The following KCNIP4 variants were observed in gnomAD, a reference collection of about 807,000 sequenced individuals.
The protein encoded by KCNIP4 is potassium voltage-gated channel interacting protein 4, also known as Kv channel-interacting protein 4.
A neutral mutation model predicts 34.0 loss-of-function variants in KCNIP4; 12 were observed. The observed-to-expected ratio is 0.35, with a 90% CI of 0.23 to 0.57. The LOEUF (loss-of-function observed/expected upper bound fraction) is 0.57, where lower values mean the gene tolerates loss of function less well. Among genes scored for constraint, KCNIP4 ranks in the 20% least tolerant of loss-of-function variants. The pLI is 0.83. For synonymous variants in KCNIP4, 124 were observed against 102.2 expected (o/e 1.21, Z -1.29); for missense variants, 238 against 311.7 (o/e 0.76, Z 1.78).
At chr4:21,140,123 C>CA (rs995058662) in intron 1 of KCNIP4, among the ~76,000 whole-genome samples, 58 of 151,958 alleles carry the variant, frequency 3.8e-4, no homozygotes, top group Admixed American at 3.1e-3. Flanking sequence ...CATGATCTTT[C>CA]AAAAAAATAG....
At chr4:21,350,299 A>G (rs1489575736) in intron 1 of KCNIP4, among the ~76,000 whole-genome samples, 1 of 152,126 alleles carries the variant, frequency 6.6e-6, no homozygotes, top group Non-Finnish European at 1.5e-5. Context: ...GATGATTAAG[A>G]TGAGGAATCT....
chr4:21,452,115 T>G (rs1433157689), intron 1 of KCNIP4, among the ~76,000 whole-genome samples: 1 of 152,052 alleles, frequency 6.6e-6, no homozygotes, highest in African/African-American at 2.4e-5. Context: ...CACAGGGACG[T>G]AGGCACTGAG....
At chr4:20,941,583 T>C (rs1211935835) in intron 1 of KCNIP4, among the ~76,000 whole-genome samples, 1 of 152,202 alleles carries the variant, frequency 6.6e-6, no homozygotes, top group African/African-American at 2.4e-5. Flanking sequence ...TCGAGGCTTA[T>C]GAACCTGGTA....
chr4:21,609,270 G>A (rs1184851853), intron 1 of KCNIP4, among the ~76,000 whole-genome samples: 1 of 152,146 alleles, frequency 6.6e-6, no homozygotes, highest in Non-Finnish European at 1.5e-5. Context: ...TCTATTGTAT[G>A]TATGTGTGTT....
At chr4:20,847,941 G>A (rs2149479750) in intron 3 of KCNIP4, among the ~76,000 whole-genome samples, 1 of 151,990 alleles carries the variant, frequency 6.6e-6, no homozygotes, top group Admixed American at 6.7e-5. Flanking sequence ...TGGTGTTTAG[G>A]GAACCAAGGC....
At chr4:21,104,833 A>G (rs1446764612) in intron 1 of KCNIP4, among the ~76,000 whole-genome samples, 1 of 151,724 alleles carries the variant, frequency 6.6e-6, no homozygotes, top group African/African-American at 2.4e-5. Flanking sequence ...TTTTCCCAGC[A>G]CCATTTATTA....
At chr4:21,898,512 A>G (rs1473331440) in intron 1 of KCNIP4, among the ~76,000 whole-genome samples, 4 of 152,146 alleles carry the variant, frequency 2.6e-5, no homozygotes, top group Admixed American at 2.6e-4. Flanking sequence ...TAGCTCCCCA[A>G]TAACATTTCT....
At chr4:21,542,723 A>G (rs1221044198) in intron 1 of KCNIP4, among the ~76,000 whole-genome samples, 1 of 150,818 alleles carries the variant, frequency 6.6e-6, no homozygotes, top group Admixed American at 6.6e-5. Flanking sequence ...AATATATGGA[A>G]CACACCAAAA....
chr4:21,418,875 G>C (rs747891823), intron 1 of KCNIP4, among the ~76,000 whole-genome samples: 6 of 152,164 alleles, frequency 3.9e-5, no homozygotes, highest in Non-Finnish European at 8.8e-5. Context: ...TTCCCTACAA[G>C]AGCCAGATAA....
At chr4:21,126,057 G>T (rs1750589725) in intron 1 of KCNIP4, among the ~76,000 whole-genome samples, 1 of 151,922 alleles carries the variant, frequency 6.6e-6, no homozygotes, top group African/African-American at 2.4e-5. Flanking sequence ...TTGAGACAGG[G>T]TATAAATACC....
chr4:20,878,117 C>CT (rs1217113926), intron 2 of KCNIP4, among the ~76,000 whole-genome samples: 1 of 152,142 alleles, frequency 6.6e-6, no homozygotes, highest in Non-Finnish European at 1.5e-5. Flanking sequence ...AGTCAGAATT[C>CT]TAGCTCTGCC....
In KCNIP4 at chr4:21,664,575, G is replaced by A. The variant is rs142205128; in HGVS notation, c.61+283996C>T. Among the ~76,000 whole-genome samples, 426 of 152,212 alleles carry A rather than the reference G, an allele frequency of 2.8e-3. 1 individual carries two copies. The highest frequency in any genetic ancestry group is 7.8e-3 in the African/African-American group (326 of 41,530). ...GCCTATCTAGGAAGATAGCAAAGTCGTTAAAAGTGAAGTTTCTGAGGTCAG... is the reference window on the plus strand; with the variant it reads ...GCCTATCTAGGAAGATAGCAAAGTCATTAAAAGTGAAGTTTCTGAGGTCAG... On this transcript the variant is annotated intron_variant, in intron 1 of 8. Coordinates refer to ENST00000382152, the MANE Select transcript of KCNIP4 (RefSeq NM_025221.6).
chr4:20,851,810 A>G (rs1481422428), intron 2 of KCNIP4, among the ~76,000 whole-genome samples: 1 of 152,212 alleles, frequency 6.6e-6, no homozygotes, highest in East Asian at 1.9e-4. Context: ...ATTTAATAAT[A>G]ATCAGTTTTG....
chr4:21,264,183 T>G (rs1761654964), intron 1 of KCNIP4, among the ~76,000 whole-genome samples: 1 of 77,880 alleles, frequency 1.3e-5, no homozygotes. Flanking sequence ...GCTAAAGAGT[T>G]GTTCTGATAT....
chr4:21,919,845 AC>A (rs1219811568), intron 1 of KCNIP4, among the ~76,000 whole-genome samples: 1 of 152,212 alleles, frequency 6.6e-6, no homozygotes, highest in Admixed American at 6.5e-5. Flanking sequence ...TAAAAAACTC[AC>A]ATGCTGCAGA....
intron 1 of KCNIP4, among the ~76,000 whole-genome samples, chr4:21,223,916 C>T (rs1423731009): frequency 6.6e-6 from 1 of 152,030 alleles, no homozygotes; most frequent in East Asian, 1.9e-4. Context: ...ACTCCTTGCC[C>T]ACATTGGAGG....
At chr4:21,783,742 A>T (rs900360381) in intron 1 of KCNIP4, among the ~76,000 whole-genome samples, 1 of 152,194 alleles carries the variant, frequency 6.6e-6, no homozygotes, top group Non-Finnish European at 1.5e-5. Context: ...GAAAGATGAG[A>T]ATATTATAAA....
chr4:21,349,054 G>C (rs1188142575), intron 1 of KCNIP4, among the ~76,000 whole-genome samples: 1 of 152,184 alleles, frequency 6.6e-6, no homozygotes, highest in Admixed American at 6.6e-5. Flanking sequence ...TATGGTTCAA[G>C]AACCTGGAAT....
chr4:20,792,886 C>G (rs755767069), intron 3 of KCNIP4, among the ~76,000 whole-genome samples: 4 of 152,102 alleles, frequency 2.6e-5, no homozygotes, highest in Non-Finnish European at 5.9e-5. Flanking sequence ...GACACTTGAG[C>G]AGTACTATCC....
Sources: gnomAD v4.1 joint callset for allele counts (sites outside exome capture counted in the v4.1 genomes callset) on GRCh38, gnomAD v4.1.1 for gene constraint, MANE v1.5 for transcripts, NCBI Gene and HGNC (gene_info 2026-07-23, HGNC 2026-07-21) for gene names.